Variants in ZNF385D observed in about 807,000 individuals in gnomAD.
The protein encoded by ZNF385D is zinc finger protein 385D.
ZNF385D carries 15 observed loss-of-function variants against 35.8 expected under a neutral mutation model. The ratio of observed to expected loss-of-function variants is 0.42; its 90% CI spans 0.28 to 0.64. The LOEUF is 0.64. ZNF385D is among the 30% of genes least tolerant of loss of function. The probability of loss-of-function intolerance (pLI) is 0.23; values close to 1 mark genes in which losing one functional copy is unlikely to be tolerated. For synonymous variants in ZNF385D, 212 were observed against 186.8 expected, an observed-to-expected ratio of 1.13 and a Z score of -1.10; for missense variants, 474 against 494.6, an observed-to-expected ratio of 0.96 and a Z score of 0.39.
chr3:22,102,652 G>A (rs1241695363), intron 3 of ZNF385D, among the ~76,000 whole-genome samples: 1 of 152,002 alleles, frequency 6.6e-6, no homozygotes, highest in African/African-American at 2.4e-5. Context: ...ATTGATGACT[G>A]GGGTAGAGAA....
At chr3:21,989,063 T>C (rs2125390604) in intron 3 of ZNF385D, among the ~76,000 whole-genome samples, 1 of 152,212 alleles carries the variant, frequency 6.6e-6, no homozygotes, top group East Asian at 1.9e-4. Context: ...TGGCACTCCC[T>C]AGTGAGATGA....
intron 2 of ZNF385D, among the ~76,000 whole-genome samples, chr3:22,199,254 C>G (rs1696623860): frequency 6.6e-6 from 1 of 151,998 alleles, no homozygotes; most frequent in Non-Finnish European, 1.5e-5. Context: ...AATTGTCTGC[C>G]CAATGTAGAT....
intron 2 of ZNF385D, among the ~76,000 whole-genome samples, chr3:21,649,667 G>C (rs1163504742): frequency 6.6e-6 from 1 of 152,006 alleles, no homozygotes; most frequent in Non-Finnish European, 1.5e-5. Flanking sequence ...AATTTATATT[G>C]AATGCAAAAC....
rs1575432464 is a variant in ZNF385D at position 21,670,656 on chromosome 3, C to A, written c.23-5628G>T. Among the ~76,000 whole-genome samples the A allele has an allele frequency of 6.0e-4, 3 of 5,042 alleles. 1 individual carries two copies. Among genetic ancestry groups the A allele is most frequent in the East Asian group, 0.024 (2 of 82 alleles). The allele number at this position is 5,042 out of a possible 152,430, so 3.3% of individuals were successfully genotyped here. ...AAAAATGAAATCCTAAGGCGCCCCC[C>A]CCCCCCCCCCCCCCCCCAATGACTG... On this transcript the variant is annotated intron_variant, in intron 1 of 7. Coordinates refer to ENST00000281523, the MANE Select transcript of ZNF385D (RefSeq NM_024697.3).
chr3:21,721,439 C>A (rs1280449744), intron 1 of ZNF385D, among the ~76,000 whole-genome samples: 3 of 151,948 alleles, frequency 2.0e-5, no homozygotes, highest in Non-Finnish European at 4.4e-5. Context: ...AGAGCATCAA[C>A]ATTTGGCAGA....
rs982542233 is a variant in ZNF385D at position 22,008,716 on chromosome 3, G to A, written c.325+160101C>T. ...TGGGAAGCCATAACAAAACACAACT[G>A]AAAACTGAAAAACCGTGTGAATATT... On this transcript the variant is annotated intron_variant, in intron 3 of 5. Coordinates refer to the ZNF385D transcript ENST00000494108. Among the ~76,000 whole-genome samples, 48 of 151,994 alleles carry A rather than the reference G, an allele frequency of 3.2e-4. 1 individual carries two copies. Among genetic ancestry groups the A allele is most frequent in the African/African-American group, 1.1e-3 (47 of 41,328 alleles).
chr3:21,467,234 AT>A (rs771767816), intron 4 of ZNF385D, among the ~76,000 whole-genome samples: 4 of 152,230 alleles, frequency 2.6e-5, no homozygotes, highest in Non-Finnish European at 5.9e-5. Flanking sequence ...TTACTTTCCT[AT>A]TCCATAAACT....
rs543799877 is a variant in ZNF385D, at chr3:21,476,728, A to G, written c.439+34133T>C. On this transcript the variant is annotated intron_variant, in intron 4 of 7. Transcript: ENST00000281523. ...AAATAGAACCTTTCTCTTCTATTGA[A>G]GAAGATATTTCCTTACCCAAATGTA... Among the ~76,000 whole-genome samples, 5 of 152,274 alleles carry G rather than the reference A, an allele frequency of 3.3e-5. No individual in the cohort carries two copies. The East Asian group carries it at 9.7e-4, about 29-fold the overall frequency.
intron 2 of ZNF385D, among the ~76,000 whole-genome samples, chr3:22,254,287 A>G (rs1042615005): frequency 2.0e-5 from 3 of 151,854 alleles, no homozygotes; most frequent in Non-Finnish European, 4.4e-5. Flanking sequence ...TTAAAGCAAG[A>G]GATAATTTGT....
At chr3:21,940,216 T>A (rs1057376458) in intron 3 of ZNF385D, among the ~76,000 whole-genome samples, 2 of 152,072 alleles carry the variant, frequency 1.3e-5, no homozygotes, top group African/African-American at 4.8e-5. Context: ...ATGAAAAAAA[T>A]TTTAAGTGTA....
At chr3:21,805,656 A>G (rs974843369) in intron 3 of ZNF385D, among the ~76,000 whole-genome samples, 52 of 152,208 alleles carry the variant, frequency 3.4e-4, no homozygotes, top group African/African-American at 1.2e-3. Flanking sequence ...CACCTCTGAC[A>G]TTCGGGTTTC....
Position 22,106,357 on chromosome 3 carries a change from C to T in ZNF385D, c.325+62460G>A, listed in dbSNP as rs539971655. Among the ~76,000 whole-genome samples, 4 of 152,140 alleles carry T rather than the reference C, an allele frequency of 2.6e-5. No individual in the cohort carries two copies. In the South Asian group the frequency reaches 8.3e-4, roughly 32 times the overall value. On this transcript the variant is annotated intron_variant, in intron 3 of 5. Coordinates refer to the ZNF385D transcript ENST00000494108. ...TTGAAAGATGATGAAACTGAGATAC[C>T]ATCTGCCCTTTGGTCACTGTTCTCC...
chr3:21,807,557 T>A (rs2072709922), intron 3 of ZNF385D, among the ~76,000 whole-genome samples: 1 of 152,186 alleles, frequency 6.6e-6, no homozygotes, highest in Admixed American at 6.5e-5. Flanking sequence ...TTAAAAATAT[T>A]GTTGAACTAA....
chr3:22,095,220 C>T (rs868254638), intron 3 of ZNF385D, among the ~76,000 whole-genome samples: 1 of 151,354 alleles, frequency 6.6e-6, no homozygotes, highest in Non-Finnish European at 1.5e-5. Context: ...AACGATAGCA[C>T]CTGGTCCCCA....
At chr3:21,705,760 T>A (rs2067874585) in intron 1 of ZNF385D, among the ~76,000 whole-genome samples, 1 of 152,224 alleles carries the variant, frequency 6.6e-6, no homozygotes. Context: ...TGCTCCCACA[T>A]GCCTCTCCTT....
chr3:22,339,980 T>C (rs760056600), intron 2 of ZNF385D, among the ~76,000 whole-genome samples: 2 of 152,232 alleles, frequency 1.3e-5, no homozygotes, highest in Non-Finnish European at 2.9e-5. Context: ...TGACCATTTG[T>C]CTAAATCTGC....
intron 2 of ZNF385D, among the ~76,000 whole-genome samples, chr3:22,290,003 C>T (rs961021393): frequency 6.6e-6 from 1 of 152,074 alleles, no homozygotes; most frequent in East Asian, 1.9e-4. Context: ...TGAGTTTTAG[C>T]CCCTTTTCTG....
At chr3:21,533,197 A>G (rs1023618432) in intron 3 of ZNF385D, among the ~76,000 whole-genome samples, 1 of 151,764 alleles carries the variant, frequency 6.6e-6, no homozygotes, top group Non-Finnish European at 1.5e-5. Flanking sequence ...AATCTTCCCA[A>G]TGGACTGGGA....
At chr3:21,909,872 T>G (rs768416798) in intron 3 of ZNF385D, among the ~76,000 whole-genome samples, 3 of 152,084 alleles carry the variant, frequency 2.0e-5, no homozygotes, top group Non-Finnish European at 2.9e-5. Flanking sequence ...TCAGAAAGTT[T>G]ATAAGCCTAG....
Sources: gnomAD v4.1 joint callset for allele counts (sites outside exome capture counted in the v4.1 genomes callset) on GRCh38, gnomAD v4.1.1 for gene constraint, MANE v1.5 for transcripts, NCBI Gene and HGNC (gene_info 2026-07-23, HGNC 2026-07-21) for gene names.